The following PREX1 variants were observed in gnomAD, a reference collection of about 807,000 sequenced individuals.
PREX1 encodes phosphatidylinositol-3,4,5-trisphosphate dependent Rac exchange factor 1.
In PREX1, 41 loss-of-function variants were observed where a neutral mutation model predicts 198.3. That is an observed-to-expected ratio of 0.21 (90% CI 0.16 to 0.27). The LOEUF (loss-of-function observed/expected upper bound fraction) is 0.27, where lower values mean the gene tolerates loss of function less well. Among genes scored for constraint, PREX1 ranks in the 10% least tolerant of loss-of-function variants. The pLI, the probability that PREX1 is intolerant of heterozygous loss-of-function variation, is 1.00. For synonymous variants in PREX1, 843 were observed against 887.2 expected (o/e 0.95, Z 0.89); for missense variants, 1,620 against 2,200.7 (o/e 0.74, Z 5.28).
At chr20:48,633,167 C>T (rs4810847) in intron 33 of PREX1, among the ~76,000 whole-genome samples, 31,924 of 152,086 alleles carry the variant, frequency 0.21, 3,341 homozygotes, top group South Asian at 0.25. Context: ...AAGCTCTGCC[C>T]GAGCCAATCT....
chr20:48,667,415 C>G (rs553136409), intron 14 of PREX1, among the ~76,000 whole-genome samples: 109 of 152,264 alleles, frequency 7.2e-4, no homozygotes, highest in African/African-American at 2.5e-3. Flanking sequence ...CATCTTCCCC[C>G]CCAGGTAAAA....
At chr20:48,790,914 T>TACCCACCCTGTCCCCATCAGC (rs1568865291) in intron 1 of PREX1, among the ~76,000 whole-genome samples, 1 of 152,028 alleles carries the variant, frequency 6.6e-6, no homozygotes, top group African/African-American at 2.4e-5. Flanking sequence ...TGCTTACCTC[T>TACCCACCCTGTCCCCATCAGC]ACCCACCCTG....
chr20:48,659,944 T>C lies in PREX1; in HGVS notation c.1856A>G (p.Glu619Gly). The C allele has an allele frequency of 6.2e-7, 1 of 1,614,260 alleles. No individual in the cohort carries two copies. The highest frequency in any genetic ancestry group is 8.5e-7 in the Non-Finnish European group (1 of 1,180,048). ...KQLRNDFKLVENILAKRLLIL... is the reference protein window; with the variant it reads ...KQLRNDFKLVGNILAKRLLIL... ...CAGCAGGCGCTTGGCCAGAATGTTCTCCACCAGCTTGAAGTCGTTGCGAAG... is the reference window on the plus strand; with the variant it reads ...CAGCAGGCGCTTGGCCAGAATGTTCCCCACCAGCTTGAAGTCGTTGCGAAG... Residue 619 changes from glutamate to glycine, a missense_variant, in exon 16 of 40, where the codon GAG becomes GGG. Physicochemically the swap from Glu to Gly is moderately conservative, Grantham distance 98 (BLOSUM62 -2). This residue lies in a region of PREX1 where 488 missense variants were observed against 802.5 expected (regional missense o/e 0.61). Coordinates refer to ENST00000371941, the MANE Select transcript of PREX1 (RefSeq NM_020820.4).
At chr20:48,643,132 C>G (rs2089426804) in intron 27 of PREX1, among the ~76,000 whole-genome samples, 1 of 152,124 alleles carries the variant, frequency 6.6e-6, no homozygotes, top group South Asian at 2.1e-4. Flanking sequence ...GATACACAAC[C>G]CATTTGCAAA....
chr20:48,811,444 A>T lies in PREX1; in HGVS notation c.219+16198T>A, dbSNP rs2090434719. Among the ~76,000 whole-genome samples, 3 of 152,340 alleles carry T rather than the reference A, an allele frequency of 2.0e-5. No homozygotes were observed. The South Asian group carries it at 6.2e-4, about 32-fold the overall frequency. ...AAGTAAAAGGAGGGGCCCTGCTTTC[A>T]TCACATCTGTGGCCTCAGTAGCTTG... On this transcript the variant is annotated intron_variant, in intron 1 of 39. Transcript: ENST00000371941.
At chr20:48,805,697 C>T (rs115937137) in intron 1 of PREX1, among the ~76,000 whole-genome samples, 1,771 of 152,290 alleles carry the variant, frequency 0.012, 27 homozygotes, top group African/African-American at 0.041. Context: ...CCTCACCCCT[C>T]TGTGCCCCCC....
At chr20:48,737,289 TA>T (rs1422799509) in intron 3 of PREX1, among the ~76,000 whole-genome samples, 5 of 146,954 alleles carry the variant, frequency 3.4e-5, no homozygotes, top group Non-Finnish European at 7.4e-5. Context: ...CTCGTGGGTT[TA>T]GGGAAAGCAT....
chr20:48,734,462 G>A lies in PREX1; in HGVS notation c.519+84C>T, dbSNP rs1052511517. On this transcript the variant is annotated intron_variant, in intron 4 of 39. Coordinates refer to ENST00000371941, the MANE Select transcript of PREX1 (RefSeq NM_020820.4). ...CCAAGGAAAGGATTTGGCACCATGG[G>A]GCAGCATGAAGTCCTCTTGTGCCCA... The A allele has an allele frequency of 4.9e-5, 57 of 1,169,840 alleles. No homozygotes were observed. The Admixed American group carries it at 9.2e-4, about 19-fold the overall frequency. 72.5% of individuals were successfully genotyped at this position (1,169,840 alleles called of 1,614,324 possible). A position where few individuals can be genotyped will look rare whatever the true frequency, so the allele number is the denominator to read the frequency against.
At position 48,704,528 on chromosome 20, in the gene PREX1, TTTCCTTCCTTCCTTTCC is replaced by T. The variant is rs1555836721; in HGVS notation, c.784-3659_784-3643del. ...AAAATGGAGTGCCTTCCTTCCTTCC[TTTCCTTCCTTCCTTTCC>T]TTCCTTCCTTCCTCCCTCCCTCTCT... On this transcript the variant is annotated intron_variant, in intron 6 of 39. Coordinates refer to ENST00000371941, the MANE Select transcript of PREX1 (RefSeq NM_020820.4). 3.3e-3 allele frequency among the ~76,000 whole-genome samples: 502 copies of T among 151,058 alleles called. 2 individuals carry two copies. The highest frequency in any genetic ancestry group is 0.011 in the African/African-American group (439 of 41,304).
chr20:48,884,859 C>G, the PREX1 span, among the ~76,000 whole-genome samples: 2 of 152,130 alleles, frequency 1.3e-5, no homozygotes, highest in Non-Finnish European at 2.9e-5. Context: ...TGCCTGTAAT[C>G]CTAGCACTTT....
At position 48,625,875 on chromosome 20, in the gene PREX1, A is replaced by G; in HGVS notation, c.*10T>C. 1 of 1,563,480 alleles carries G rather than the reference A, an allele frequency of 6.4e-7. No individual in the cohort carries two copies. The highest frequency in any genetic ancestry group is 8.7e-7 in the Non-Finnish European group (1 of 1,154,892). The stretch of plus-strand genomic sequence containing the variant: ...CAGAGGCCGCGGCCCAGCGTGGGGC[A>G]TTTGGGTGTTCAGAGGTCCCCATCC... On this transcript the variant is annotated 3_prime_UTR_variant, in exon 40 of 40. Transcript: ENST00000371941.
At chr20:48,850,508 G>A in the PREX1 span, among the ~76,000 whole-genome samples, 1 of 152,210 alleles carries the variant, frequency 6.6e-6, no homozygotes, top group African/African-American at 2.4e-5. Context: ...CAGGGACAGG[G>A]ACAGGGCCTG....
At chr20:48,656,226 A>C (rs2089541720) in intron 18 of PREX1, among the ~76,000 whole-genome samples, 1 of 152,088 alleles carries the variant, frequency 6.6e-6, no homozygotes, top group African/African-American at 2.4e-5. Flanking sequence ...CAAAGACAAA[A>C]TGCTTTGCTC....
At chr20:48,799,013 A>G (rs2090374697) in intron 1 of PREX1, among the ~76,000 whole-genome samples, 1 of 151,948 alleles carries the variant, frequency 6.6e-6, no homozygotes, top group Admixed American at 6.6e-5. Context: ...TCTCCTGAAT[A>G]GCTGAGATTA....
chr20:48,701,126 G>A (rs113338637), intron 6 of PREX1, among the ~76,000 whole-genome samples: 2,099 of 152,270 alleles, frequency 0.014, 40 homozygotes, highest in African/African-American at 0.047. Flanking sequence ...AGGGACTTGG[G>A]GCTCAGGGAG....
the PREX1 span, among the ~76,000 whole-genome samples, chr20:48,850,373 A>G: frequency 5.9e-5 from 9 of 152,194 alleles, no homozygotes; most frequent in African/African-American, 2.2e-4. Context: ...AAACAGTGAC[A>G]AAAGCTCTAG....
intron 1 of PREX1, among the ~76,000 whole-genome samples, chr20:48,820,703 C>G (rs1263572078): frequency 6.6e-6 from 1 of 152,152 alleles, no homozygotes; most frequent in Non-Finnish European, 1.5e-5. Flanking sequence ...CTGTGGTTGT[C>G]ACAACTGGGG....
chr20:48,651,695 G>T (rs182804539), intron 21 of PREX1, 112 bp from the exon 22 acceptor site: 96 of 1,022,856 alleles, frequency 9.4e-5, no homozygotes, highest in Non-Finnish European at 1.2e-4. Context: ...AAGTGCAAAG[G>T]CCCCAGGGCA....
In PREX1 at chr20:48,632,547, G is replaced by A. The variant is rs762767897; in HGVS notation, c.4360C>T (p.Arg1454Cys). 9 of 1,613,976 alleles carry A rather than the reference G, an allele frequency of 5.6e-6. No homozygotes were observed. Among genetic ancestry groups the A allele is most frequent in the East Asian group, 4.5e-5 (2 of 44,848 alleles). The stretch of plus-strand genomic sequence containing the variant: ...CTCAGGCTGGCCCCACCCTCCAGGC[G>A]GGAGGGCAGCTTGGAGAAGTGGTAG... ...DSYHFSKLPSRLEGGASLRLH... is the reference protein window; with the variant it reads ...DSYHFSKLPSCLEGGASLRLH... The change falls in exon 34 of 40, where the codon CGC becomes TGC. Residue 1454 changes from arginine to cysteine, a missense_variant. Arg to Cys is a radical substitution (Grantham distance 180). This residue lies in a region of PREX1 where 476 missense variants were observed against 603.4 expected (regional missense o/e 0.79). Transcript: ENST00000371941.
Sources: gnomAD v4.1 joint callset for allele counts (sites outside exome capture counted in the v4.1 genomes callset) on GRCh38, gnomAD v4.1.1 for gene constraint, gnomAD v4.1.1 regional missense constraint, MANE v1.5 for transcripts, NCBI Gene and HGNC (gene_info 2026-07-23, HGNC 2026-07-21) for gene names.